GRM1: variants seen among roughly 807,000 people sequenced by gnomAD.
GRM1 encodes the protein glutamate metabotropic receptor 1, also known as metabotropic glutamate receptor 1.
In GRM1, 33 loss-of-function variants were observed where a neutral mutation model predicts 90.9. The ratio of observed to expected loss-of-function variants is 0.36; its 90% CI spans 0.28 to 0.49. The LOEUF is 0.49. Among genes scored for constraint, GRM1 ranks in the 20% least tolerant of loss-of-function variants. GRM1 has a pLI of 0.99. For synonymous variants in GRM1, 700 were observed against 613.2 expected, an observed-to-expected ratio of 1.14 and a Z score of -2.09; for missense variants, 1,190 against 1,534.3, an observed-to-expected ratio of 0.78 and a Z score of 3.75.
At chr6:146,244,370 T>C (rs1447970455) in intron 2 of GRM1, among the ~76,000 whole-genome samples, 1 of 152,218 alleles carries the variant, frequency 6.6e-6, no homozygotes, top group African/African-American at 2.4e-5. Context: ...CATGAAATCT[T>C]CACAATTTAT....
At chr6:146,049,506 A>G (rs1264658380) in intron 1 of GRM1, among the ~76,000 whole-genome samples, 1 of 152,010 alleles carries the variant, frequency 6.6e-6, no homozygotes, top group East Asian at 1.9e-4. Context: ...TTATGCTATC[A>G]TCAGCTTCCC....
chr6:146,432,499 T>C (rs748066271), intron 7 of GRM1, among the ~76,000 whole-genome samples: 56 of 152,182 alleles, frequency 3.7e-4, no homozygotes, highest in Non-Finnish European at 8.8e-5. Context: ...TTTAAACTAC[T>C]GATCATTTCC....
intron 1 of GRM1, among the ~76,000 whole-genome samples, chr6:146,036,926 C>G (rs1790911456): frequency 6.6e-6 from 1 of 151,666 alleles, no homozygotes; most frequent in African/African-American, 2.4e-5. Context: ...ATAATAATAA[C>G]TATTATTACT....
At position 146,223,047 on chromosome 6, in the gene GRM1, GTCTC is replaced by G. The variant is rs140001428; in HGVS notation, c.950+63454_950+63457del. ...TGTAGAAAGCCCAGGAACTCTTGGT[GTCTC>G]TCTATTATCTGGCCAGAGTAAAGCC... On this transcript the variant is annotated intron_variant, in intron 2 of 7. Coordinates refer to ENST00000282753, the MANE Select transcript of GRM1 (RefSeq NM_001278064.2). 5.0e-3 allele frequency among the ~76,000 whole-genome samples: 760 copies of G among 152,098 alleles called. 5 individuals are homozygous for G. Among genetic ancestry groups the G allele is most frequent in the African/African-American group, 0.018 (729 of 41,508 alleles).
intron 3 of GRM1, among the ~76,000 whole-genome samples, chr6:146,314,572 G>GTGTT (rs1269682629): frequency 2.0e-5 from 3 of 152,126 alleles, no homozygotes; most frequent in Non-Finnish European, 4.4e-5. Context: ...TGGTAAGTGT[G>GTGTT]TGTTTAACTT....
intron 2 of GRM1, among the ~76,000 whole-genome samples, chr6:146,284,227 A>C (rs1200295288): frequency 6.6e-6 from 1 of 152,232 alleles, no homozygotes; most frequent in Non-Finnish European, 1.5e-5. Flanking sequence ...TATTAGTAAT[A>C]ATATGAAGAC....
intron 2 of GRM1, among the ~76,000 whole-genome samples, chr6:146,269,192 T>A (rs1405035585): frequency 6.6e-6 from 1 of 152,198 alleles, no homozygotes; most frequent in East Asian, 1.9e-4. Flanking sequence ...AATGATAGCA[T>A]TATAATTTTA....
intron 1 of GRM1, among the ~76,000 whole-genome samples, chr6:146,039,060 A>G (rs1352538135): frequency 6.6e-6 from 1 of 152,014 alleles, no homozygotes; most frequent in Non-Finnish European, 1.5e-5. Context: ...GTTTTGTAGC[A>G]CATTCTTTGG....
At chr6:146,379,391 G>A (rs76370663) in intron 5 of GRM1, among the ~76,000 whole-genome samples, 5 of 150,520 alleles carry the variant, frequency 3.3e-5, no homozygotes, top group Non-Finnish European at 5.9e-5. Context: ...TATGCTAATT[G>A]CATTTTTCAG....
intron 3 of GRM1, among the ~76,000 whole-genome samples, chr6:146,327,518 ATTTTCCGTAACATAC>A (rs1784435907): frequency 1.3e-5 from 2 of 152,146 alleles, no homozygotes; most frequent in South Asian, 4.1e-4. Context: ...TGTCCTAAGC[ATTTTCCGTAACATAC>A]TTTTATGTAA....
intron 2 of GRM1, among the ~76,000 whole-genome samples, chr6:146,284,874 G>C (rs1449298662): frequency 6.6e-6 from 1 of 152,180 alleles, no homozygotes; most frequent in Non-Finnish European, 1.5e-5. Flanking sequence ...AACTAAAACA[G>C]AATATATTGG....
intron 2 of GRM1, among the ~76,000 whole-genome samples, chr6:146,196,909 T>C (rs538653637): frequency 1.7e-4 from 26 of 152,340 alleles, no homozygotes; most frequent in Non-Finnish European, 3.7e-4. Context: ...TACTTTATTC[T>C]GTGAAAGATA....
At chr6:146,341,072 C>T (rs906742736) in intron 3 of GRM1, among the ~76,000 whole-genome samples, 2 of 152,178 alleles carry the variant, frequency 1.3e-5, no homozygotes, top group African/African-American at 4.8e-5. Flanking sequence ...GCATTTTGTA[C>T]CCAGAACCAG....
intron 2 of GRM1, among the ~76,000 whole-genome samples, chr6:146,266,388 T>C (rs1488307719): frequency 6.6e-6 from 1 of 152,126 alleles, no homozygotes; most frequent in Non-Finnish European, 1.5e-5. Context: ...TACCTTCAAT[T>C]CTCATTCTTC....
intron 2 of GRM1, among the ~76,000 whole-genome samples, chr6:146,208,374 T>C (rs1779566395): frequency 6.6e-6 from 1 of 152,206 alleles, no homozygotes; most frequent in Admixed American, 6.5e-5. Flanking sequence ...ATAATGTAGT[T>C]TGTTGTATGT....
chr6:146,184,726 T>G (rs1043946162), intron 2 of GRM1, among the ~76,000 whole-genome samples: 1 of 152,220 alleles, frequency 6.6e-6, no homozygotes, highest in African/African-American at 2.4e-5. Flanking sequence ...TTTCATGTTA[T>G]ATATCATCTC....
intron 1 of GRM1, among the ~76,000 whole-genome samples, chr6:146,104,528 C>T (rs1442555816): frequency 1.3e-5 from 2 of 152,022 alleles, no homozygotes; most frequent in African/African-American, 2.4e-5. Flanking sequence ...TAAAGAAGAC[C>T]AATGTTTCAT....
At chr6:146,333,671 A>G (rs1784663257) in intron 3 of GRM1, among the ~76,000 whole-genome samples, 1 of 152,152 alleles carries the variant, frequency 6.6e-6, no homozygotes, top group Non-Finnish European at 1.5e-5. Context: ...CCAGGATCCC[A>G]GTAACAATCC....
intron 2 of GRM1, among the ~76,000 whole-genome samples, chr6:146,178,156 C>T (rs969638250): frequency 6.6e-6 from 1 of 152,146 alleles, no homozygotes; most frequent in Non-Finnish European, 1.5e-5. Flanking sequence ...TGTCATGTCT[C>T]CTTAGACTCC....
Sources: allele counts gnomAD v4.1 joint callset (sites outside exome capture counted in the v4.1 genomes callset), GRCh38; gene constraint gnomAD v4.1.1; transcripts MANE v1.5; gene names NCBI Gene and HGNC (gene_info 2026-07-23, HGNC 2026-07-21).